Variants in RYR2 observed in about 807,000 individuals in gnomAD.
RYR2 encodes the protein cardiac muscle ryanodine receptor-calcium release channel.
Under a neutral mutation model 601.1 loss-of-function variants are expected in RYR2, and 227 were observed. The observed-to-expected ratio is 0.38, with a 90% confidence interval of 0.34 to 0.42. RYR2 has a LOEUF of 0.42. Among genes scored for constraint, RYR2 ranks in the 10% least tolerant of loss-of-function variants. The pLI is 1.00. For missense variants in RYR2, 4,646 were observed against 6,156.5 expected, an observed-to-expected ratio of 0.75 and a Z score of 8.21; for synonymous variants, 2,223 against 2,175.1, an observed-to-expected ratio of 1.02 and a Z score of -0.61.
At chr1:237,708,293 T>C (rs1295327409) in intron 68 of RYR2, among the ~76,000 whole-genome samples, 15 of 152,196 alleles carry the variant, frequency 9.9e-5, no homozygotes, top group Admixed American at 9.8e-4. Flanking sequence ...TTAACTTTTC[T>C]CTTGTATACT....
At chr1:237,169,288 CTT>C (rs527578394) in intron 1 of RYR2, among the ~76,000 whole-genome samples, 2 of 108,428 alleles carry the variant, frequency 1.8e-5, no homozygotes, top group Admixed American at 2.6e-4. Context: ...GTGTGATTGC[CTT>C]TTTTTTTTCT....
intron 1 of RYR2, among the ~76,000 whole-genome samples, chr1:237,117,739 TC>T: frequency 7.6e-6 from 1 of 131,294 alleles, no homozygotes; most frequent in South Asian, 2.4e-4. Flanking sequence ...TCTCTTCTCT[TC>T]TCTTCTCTTC....
chr1:237,444,285 G>A (rs1358302202), intron 13 of RYR2, among the ~76,000 whole-genome samples: 3 of 151,938 alleles, frequency 2.0e-5, no homozygotes, highest in Non-Finnish European at 2.9e-5. Flanking sequence ...TCTCTTTGCT[G>A]TTCTATTTTT....
At chr1:237,174,249 G>C (rs1220910277) in intron 1 of RYR2, among the ~76,000 whole-genome samples, 1 of 152,100 alleles carries the variant, frequency 6.6e-6, no homozygotes, top group Non-Finnish European at 1.5e-5. Context: ...TAATAAATCG[G>C]TGTGGCAGAG....
chr1:237,341,768 A>G, intron 3 of RYR2: 1 of 443,718 alleles, frequency 2.3e-6, no homozygotes, highest in Non-Finnish European at 4.5e-6. Context: ...AACATATGAT[A>G]GAGCTTTTTT....
chr1:237,327,532 C>T lies in RYR2; in HGVS notation c.169-3346C>T, dbSNP rs534214349. ...CAGAATATGAAGTTTTAAATGTTACCGGAAAGTGTCTTTTCTTGACAATAC... is the reference window on the plus strand; with the variant it reads ...CAGAATATGAAGTTTTAAATGTTACTGGAAAGTGTCTTTTCTTGACAATAC... On this transcript the variant is annotated intron_variant, in intron 2 of 104. Transcript: ENST00000366574. Among the ~76,000 whole-genome samples the T allele has an allele frequency of 1.5e-3, 228 of 152,094 alleles. 1 individual carries two copies. The highest frequency in any genetic ancestry group is 2.5e-3 in the South Asian group (12 of 4,814).
At chr1:237,123,298 T>C (rs1346419304) in intron 1 of RYR2, among the ~76,000 whole-genome samples, 2 of 152,184 alleles carry the variant, frequency 1.3e-5, no homozygotes, top group Non-Finnish European at 2.9e-5. Context: ...TTAAAAATAC[T>C]GATGAGAGCT....
At chr1:237,198,074 G>A (rs1680760206) in intron 1 of RYR2, among the ~76,000 whole-genome samples, 1 of 152,186 alleles carries the variant, frequency 6.6e-6, no homozygotes, top group Non-Finnish European at 1.5e-5. Flanking sequence ...AGGATCAGAT[G>A]GGGGGAAATT....
rs189301207 is a variant in RYR2, at chr1:237,674,868, C to T, written c.8830+22C>T. 1.6e-4 allele frequency: 205 copies of T among 1,284,084 alleles called. 3 individuals are homozygous for T. Among genetic ancestry groups the T allele is most frequent in the Middle Eastern group, 5.6e-4 (3 of 5,398 alleles). 79.5% of individuals were successfully genotyped at this position (1,284,084 alleles called of 1,614,324 possible). A position where few individuals can be genotyped will look rare whatever the true frequency, so the allele number is the denominator to read the frequency against. On this transcript the variant is annotated intron_variant, in intron 60 of 104. Coordinates refer to ENST00000366574, the MANE Select transcript of RYR2 (RefSeq NM_001035.3). The stretch of plus-strand genomic sequence containing the variant: ...TTTGGTAGGTACCATAGTCCCATTG[C>T]TAATAGCCCAGTGTTTGTTGTTTTT...
rs192741850 is a variant in RYR2, at chr1:237,703,446, A to G, written c.9449+1387A>G. Among the ~76,000 whole-genome samples the G allele has an allele frequency of 5.6e-3, 845 of 150,768 alleles. 5 individuals carry two copies. The highest frequency in any genetic ancestry group is 0.012 in the South Asian group (58 of 4,790). Reference sequence around the variant, plus strand: ...TATGAATTGCCTTTTCTCATCTTGCATCTATTTTTCTATTCATGTATTGTC... The same window carrying G: ...TATGAATTGCCTTTTCTCATCTTGCGTCTATTTTTCTATTCATGTATTGTC... On this transcript the variant is annotated intron_variant, in intron 66 of 104. Coordinates refer to ENST00000366574, the MANE Select transcript of RYR2 (RefSeq NM_001035.3).
chr1:237,369,336 A>G (rs1043806036), intron 5 of RYR2, among the ~76,000 whole-genome samples, 198 bp from the exon 6 acceptor site: 2 of 152,210 alleles, frequency 1.3e-5, no homozygotes, highest in Non-Finnish European at 1.5e-5. Flanking sequence ...ATAAAATGCT[A>G]ATCCCATAAT....
At chr1:237,277,015 A>T (rs1690358864) in intron 2 of RYR2, among the ~76,000 whole-genome samples, 1 of 152,196 alleles carries the variant, frequency 6.6e-6, no homozygotes, top group Admixed American at 6.5e-5. Context: ...TGATACAGAA[A>T]TTTTCTGAGA....
rs146654775 is a variant in RYR2 at position 237,736,590 on chromosome 1, A to T, written c.11091+2834A>T. 4.2e-3 allele frequency among the ~76,000 whole-genome samples: 646 copies of T among 152,274 alleles called. 2 individuals carry two copies. The highest frequency in any genetic ancestry group is 0.01 in the Middle Eastern group (3 of 294). On this transcript the variant is annotated intron_variant, in intron 79 of 104. Transcript: ENST00000366574. ...TCGCTCTCTCTCTGAAGACAAAAGG[A>T]CAGTCACCTGCTGACACCTAAGTGT...
At chr1:237,212,119 GAAAGTTCTTTGGAA>G (rs557106886) in intron 1 of RYR2, among the ~76,000 whole-genome samples, 36 of 151,946 alleles carry the variant, frequency 2.4e-4, no homozygotes, top group South Asian at 8.3e-4. Flanking sequence ...TGTTTACAAA[GAAAGTTCTTTGGAA>G]AAAGTTCAGA....
chr1:237,112,196 C>T (rs549502912), intron 1 of RYR2, among the ~76,000 whole-genome samples: 2 of 152,312 alleles, frequency 1.3e-5, no homozygotes, highest in Admixed American at 6.5e-5. Flanking sequence ...ACACTGTGAC[C>T]TCCGCTTCCC....
chr1:237,623,237 G>C (rs1679252023), intron 38 of RYR2, among the ~76,000 whole-genome samples: 1 of 152,064 alleles, frequency 6.6e-6, no homozygotes, highest in African/African-American at 2.4e-5. Flanking sequence ...GTTAAGCTAT[G>C]GATGATTTGA....
chr1:237,535,552 A>C (rs531807004), intron 25 of RYR2, among the ~76,000 whole-genome samples: 1 of 151,972 alleles, frequency 6.6e-6, no homozygotes, highest in East Asian at 1.9e-4. Context: ...TTTCTACCAA[A>C]TACAATCTCA....
intron 1 of RYR2, among the ~76,000 whole-genome samples, chr1:237,159,557 T>G (rs760559160): frequency 1.3e-5 from 2 of 150,530 alleles, no homozygotes; most frequent in Non-Finnish European, 3.0e-5. Context: ...CGGGCACAGA[T>G]TACGGGCTCA....
chr1:237,468,969 A>G, intron 16 of RYR2, 123 bp from the exon 17 acceptor site: 1 of 676,990 alleles, frequency 1.5e-6, no homozygotes. Flanking sequence ...TGTTTGCATA[A>G]GTTTTTAGAT....
Sources: allele counts gnomAD v4.1 joint callset (sites outside exome capture counted in the v4.1 genomes callset), GRCh38; gene constraint gnomAD v4.1.1; transcripts MANE v1.5; gene names NCBI Gene and HGNC (gene_info 2026-07-23, HGNC 2026-07-21).